Variants in SORCS1 observed in about 807,000 individuals in gnomAD.
The protein encoded by SORCS1 is sortilin related VPS10 domain containing receptor 1.
Under a neutral mutation model 146.1 loss-of-function variants are expected in SORCS1, and 60 were observed. The observed-to-expected ratio is 0.41, with a 90% CI of 0.33 to 0.51. The LOEUF (loss-of-function observed/expected upper bound fraction) is 0.51, where lower values mean the gene tolerates loss of function less well. Among genes scored for constraint, SORCS1 ranks in the 20% least tolerant of loss-of-function variants. The probability of loss-of-function intolerance (pLI) is 0.21; values close to 1 mark genes in which losing one functional copy is unlikely to be tolerated. For synonymous variants in SORCS1, 637 were observed against 584.0 expected (o/e 1.09, Z -1.31); for missense variants, 1,352 against 1,487.6 (o/e 0.91, Z 1.50).
At chr10:106,868,470 G>A (rs2137542516) in intron 2 of SORCS1, among the ~76,000 whole-genome samples, 1 of 152,142 alleles carries the variant, frequency 6.6e-6, no homozygotes, top group Non-Finnish European at 1.5e-5. Context: ...CTGGCAAATG[G>A]AAAAGAACCA....
intron 1 of SORCS1, among the ~76,000 whole-genome samples, chr10:107,025,518 T>C (rs370035031): frequency 7.2e-5 from 11 of 152,338 alleles, no homozygotes; most frequent in African/African-American, 1.9e-4. Flanking sequence ...TGTGGTGCTA[T>C]TGTTTCATGA....
intron 21 of SORCS1, among the ~76,000 whole-genome samples, chr10:106,613,258 G>A (rs56211503): frequency 0.075 from 11,355 of 152,238 alleles, 570 homozygotes; most frequent in Non-Finnish European, 0.11. Context: ...ACACAGGCAA[G>A]GATTATATGA....
At chr10:106,959,311 T>A (rs1195348491) in intron 1 of SORCS1, among the ~76,000 whole-genome samples, 1 of 152,222 alleles carries the variant, frequency 6.6e-6, no homozygotes, top group Non-Finnish European at 1.5e-5. Flanking sequence ...TGAATCAATC[T>A]ATTTAATCTT....
At chr10:106,771,215 C>T (rs985584391) in intron 4 of SORCS1, among the ~76,000 whole-genome samples, 11 of 147,666 alleles carry the variant, frequency 7.4e-5, no homozygotes, top group African/African-American at 2.5e-4. Flanking sequence ...ATACTTCTCT[C>T]CTGTTTTTTT....
intron 20 of SORCS1, 180 bp downstream of exon 20, chr10:106,620,248 C>A (rs1025610943): frequency 2.9e-5 from 17 of 586,748 alleles, no homozygotes; most frequent in African/African-American, 2.9e-4. Context: ...GGAGAGGGGC[C>A]AGAGAGAGAG....
chr10:107,041,017 T>A (rs1299708745), intron 1 of SORCS1, among the ~76,000 whole-genome samples: 2 of 152,166 alleles, frequency 1.3e-5, no homozygotes, highest in Non-Finnish European at 2.9e-5. Flanking sequence ...GACAAAATCA[T>A]TAAATAATAT....
intron 3 of SORCS1, among the ~76,000 whole-genome samples, chr10:106,800,513 C>CTTTTTT (rs763659103): frequency 2.2e-5 from 2 of 89,072 alleles, no homozygotes; most frequent in African/African-American, 8.3e-5. Flanking sequence ...CTAGGTGAAT[C>CTTTTTT]TTTTTTTTTT....
rs139458921 is a variant in SORCS1, at chr10:106,970,486, G to A, written c.559-13906C>T. ...CCAGAGTAGCTGGGATTACAGATAC[G>A]CACCACCACGCCCGGCTAATTTTTT... On this transcript the variant is annotated intron_variant, in intron 1 of 25. Transcript: ENST00000263054. 5.3e-3 allele frequency among the ~76,000 whole-genome samples: 795 copies of A among 150,450 alleles called. 5 individuals carry two copies. The highest frequency in any genetic ancestry group is 0.031 in the Middle Eastern group (9 of 288).
intron 1 of SORCS1, among the ~76,000 whole-genome samples, chr10:107,015,967 C>T (rs1016036655): frequency 7.6e-6 from 1 of 131,330 alleles, no homozygotes; most frequent in Non-Finnish European, 1.8e-5. Flanking sequence ...ACTTATACCA[C>T]AAACCTATTG....
At chr10:106,902,869 G>A (rs186584235) in intron 2 of SORCS1, among the ~76,000 whole-genome samples, 168 of 152,298 alleles carry the variant, frequency 1.1e-3, no homozygotes, top group Non-Finnish European at 1.9e-3. Context: ...ACAAGGTCAG[G>A]AGATTGAGAT....
At chr10:107,073,834 G>C (rs932675810) in intron 1 of SORCS1, among the ~76,000 whole-genome samples, 1 of 151,754 alleles carries the variant, frequency 6.6e-6, no homozygotes, top group African/African-American at 2.4e-5. Context: ...AAGCAAAGAA[G>C]GTTACTTTCA....
chr10:107,018,660 G>A (rs1278424646), intron 1 of SORCS1, among the ~76,000 whole-genome samples: 2 of 151,030 alleles, frequency 1.3e-5, no homozygotes, highest in African/African-American at 4.9e-5. Flanking sequence ...CCTAGCAATA[G>A]GTAAAGAAGG....
chr10:107,161,345 G>A (rs1317398752), intron 1 of SORCS1, among the ~76,000 whole-genome samples: 3 of 152,104 alleles, frequency 2.0e-5, no homozygotes, highest in African/African-American at 7.2e-5. Context: ...TGGGTCTGGG[G>A]GCAGATTTAT....
At chr10:106,747,471 A>G (rs2136152233) in intron 5 of SORCS1, among the ~76,000 whole-genome samples, 1 of 152,312 alleles carries the variant, frequency 6.6e-6, no homozygotes, top group Non-Finnish European at 1.5e-5. Context: ...GCATAAATAC[A>G]TCAGGGCTCA....
intron 4 of SORCS1, among the ~76,000 whole-genome samples, chr10:106,769,836 TG>T (rs1859873150): frequency 6.6e-6 from 1 of 152,204 alleles, no homozygotes; most frequent in Non-Finnish European, 1.5e-5. Context: ...GGCTCACGCC[TG>T]TAATCCCAGC....
At chr10:107,036,862 A>G (rs1958927969) in intron 1 of SORCS1, among the ~76,000 whole-genome samples, 1 of 152,242 alleles carries the variant, frequency 6.6e-6, no homozygotes, top group Non-Finnish European at 1.5e-5. Context: ...ATTTAATTGG[A>G]TGCTATAATC....
intron 1 of SORCS1, among the ~76,000 whole-genome samples, chr10:107,072,474 G>A (rs1056084436): frequency 1.1e-4 from 17 of 152,118 alleles, no homozygotes; most frequent in African/African-American, 3.6e-4. Flanking sequence ...AGAGTGTAAC[G>A]ATTTAGTTAA....
chr10:106,836,210 C>T (rs980195668), intron 2 of SORCS1, among the ~76,000 whole-genome samples: 1 of 151,436 alleles, frequency 6.6e-6, no homozygotes. Context: ...CGCAGTGGCT[C>T]ACGCCTGTAA....
At position 106,587,506 on chromosome 10, in the gene SORCS1, T is replaced by C. The variant is rs141381449; in HGVS notation, c.3266-8032A>G. On this transcript the variant is annotated intron_variant, in intron 24 of 25. Transcript: ENST00000263054. ...GGAAAGTCTTTTTCTCAATGTGAAA[T>C]TGTAGTGCAGAATTCATGATGTATC... 2.5e-3 allele frequency among the ~76,000 whole-genome samples: 377 copies of C among 152,384 alleles called. 3 individuals are homozygous for C. The highest frequency in any genetic ancestry group is 4.4e-3 in the Non-Finnish European group (299 of 68,044).
Sources: gnomAD v4.1 joint callset for allele counts (sites outside exome capture counted in the v4.1 genomes callset) on GRCh38, gnomAD v4.1.1 for gene constraint, MANE v1.5 for transcripts, NCBI Gene and HGNC (gene_info 2026-07-23, HGNC 2026-07-21) for gene names.